SH3RF3: variants seen among roughly 807,000 people sequenced by gnomAD.
SH3RF3 encodes E3 ubiquitin-protein ligase SH3RF3.
In SH3RF3, 29 loss-of-function variants were observed where a neutral mutation model predicts 66.3. The ratio of observed to expected loss-of-function variants is 0.44; its 90% CI spans 0.33 to 0.60. The LOEUF (loss-of-function observed/expected upper bound fraction) is 0.60, where lower values mean the gene tolerates loss of function less well. Among genes scored for constraint, SH3RF3 ranks in the 20% least tolerant of loss-of-function variants. The probability of loss-of-function intolerance (pLI) is 0.04; values close to 1 mark genes in which losing one functional copy is unlikely to be tolerated. For missense variants in SH3RF3, 1,194 were observed against 1,190.9 expected (o/e 1.00, Z -0.04); for synonymous variants, 583 against 532.0 (o/e 1.10, Z -1.32).
intron 5 of SH3RF3, among the ~76,000 whole-genome samples, chr2:109,420,645 C>T (rs1289574567): frequency 2.0e-5 from 3 of 152,146 alleles, no homozygotes; most frequent in African/African-American, 7.2e-5. Context: ...TGGGGTTTCA[C>T]CGTGTTAGCC....
At chr2:109,368,117 T>G (rs13397395) in intron 2 of SH3RF3, among the ~76,000 whole-genome samples, 4,390 of 152,362 alleles carry the variant, frequency 0.029, 156 homozygotes, top group African/African-American at 0.089. Context: ...TTCCCTGATT[T>G]TTGGCCTTGG....
In SH3RF3 at chr2:109,379,631, C is replaced by T. The variant is rs183631833; in HGVS notation, c.945+7950C>T. Among the ~76,000 whole-genome samples, 56 of 152,304 alleles carry T rather than the reference C, an allele frequency of 3.7e-4. 1 individual carries two copies. The highest frequency in any genetic ancestry group is 7.8e-4 in the Admixed American group (12 of 15,304). ...GTTTCATTTTATTTTTCTTGCTTTT[C>T]GTCATCCTCTGTTTTTACAAGCTCC... On this transcript the variant is annotated intron_variant, in intron 3 of 9. Transcript: ENST00000309415.
intron 1 of SH3RF3, among the ~76,000 whole-genome samples, chr2:109,231,226 G>C (rs2105185728): frequency 6.6e-6 from 1 of 152,364 alleles, no homozygotes; most frequent in Non-Finnish European, 1.5e-5. Context: ...TCTTCATCCA[G>C]GGGCTGTTTC....
At chr2:109,317,126 C>CTCATGAAATGTTTTCATGAGATGTAAGTT (rs1681904184) in intron 1 of SH3RF3, among the ~76,000 whole-genome samples, 2 of 151,988 alleles carry the variant, frequency 1.3e-5, no homozygotes, top group South Asian at 4.2e-4. Flanking sequence ...GAGTGGGTTT[C>CTCATGAAATGTTTTCATGAGATGTAAGTT]TCATGAAATG....
At position 109,490,840 on chromosome 2, in the gene SH3RF3, C is replaced by T; in HGVS notation, c.2384C>T (p.Ala795Val). The change falls in exon 9 of 10, where the codon GCA becomes GTA. Residue 795 changes from alanine to valine, a missense_variant. By Grantham distance (64) the Ala-to-Val change is moderately conservative. Coordinates refer to ENST00000309415, the MANE Select transcript of SH3RF3 (RefSeq NM_001099289.3). Reference protein sequence around the residue: ...AMGMEPLHRKAGSLDLNFTSP... With the variant: ...AMGMEPLHRKVGSLDLNFTSP... ...GGGATGGAGCCTCTGCACAGGAAGG[C>T]AGGCTCCTTGGATCTAAACTTCACA... 1 of 1,536,742 alleles carries T rather than the reference C, an allele frequency of 6.5e-7. No individual in the cohort carries two copies. Among genetic ancestry groups the T allele is most frequent in the Non-Finnish European group, 8.7e-7 (1 of 1,146,578 alleles).
intron 5 of SH3RF3, among the ~76,000 whole-genome samples, chr2:109,420,485 T>G (rs1384950861): frequency 6.6e-6 from 1 of 152,122 alleles, no homozygotes; most frequent in Non-Finnish European, 1.5e-5. Flanking sequence ...TTGCTCTGTC[T>G]CCCAGGCTGG....
intron 5 of SH3RF3, among the ~76,000 whole-genome samples, chr2:109,431,676 A>G (rs1458889331): frequency 6.6e-6 from 1 of 152,206 alleles, no homozygotes; most frequent in East Asian, 1.9e-4. Context: ...GCTCAAGACC[A>G]GTCTGGGCAA....
intron 1 of SH3RF3, chr2:109,141,355 C>G (rs1394505151): frequency 6.6e-6 from 1 of 152,624 alleles, no homozygotes; most frequent in Non-Finnish European, 1.5e-5. Flanking sequence ...GCCTGGGTCC[C>G]TCTTCCTCCA....
chr2:109,245,316 T>C (rs568651485), intron 1 of SH3RF3, among the ~76,000 whole-genome samples: 2 of 152,080 alleles, frequency 1.3e-5, no homozygotes, highest in South Asian at 4.2e-4. Flanking sequence ...ATGCCTGTGG[T>C]CATTCCCTCT....
chr2:109,365,291 C>T (rs1352499804), intron 2 of SH3RF3, among the ~76,000 whole-genome samples: 1 of 152,192 alleles, frequency 6.6e-6, no homozygotes, highest in Non-Finnish European at 1.5e-5. Flanking sequence ...AGTGACTGGG[C>T]CCCTGCAGTT....
At chr2:109,143,376 G>A (rs1002354928) in intron 1 of SH3RF3, among the ~76,000 whole-genome samples, 2 of 152,162 alleles carry the variant, frequency 1.3e-5, no homozygotes, top group Non-Finnish European at 2.9e-5. Context: ...GCAATCTCAT[G>A]TTCATTTCAG....
intron 6 of SH3RF3, among the ~76,000 whole-genome samples, chr2:109,434,490 A>G (rs1325907002): frequency 6.6e-6 from 1 of 152,152 alleles, no homozygotes; most frequent in African/African-American, 2.4e-5. Flanking sequence ...GCAACTCCTG[A>G]CGTGTGTCAG....
intron 3 of SH3RF3, among the ~76,000 whole-genome samples, chr2:109,387,274 G>A (rs981106127): frequency 1.1e-4 from 16 of 152,182 alleles, no homozygotes; most frequent in African/African-American, 3.9e-4. Flanking sequence ...TGCCTCACCT[G>A]TGCAACCTTT....
At chr2:109,171,037 G>T (rs1444062321) in intron 1 of SH3RF3, among the ~76,000 whole-genome samples, 1 of 152,158 alleles carries the variant, frequency 6.6e-6, no homozygotes, top group African/African-American at 2.4e-5. Context: ...CTGGGGGCTG[G>T]GGGAGTCTGT....
chr2:109,375,540 G>A (rs1006308822), intron 3 of SH3RF3, among the ~76,000 whole-genome samples: 2 of 152,242 alleles, frequency 1.3e-5, no homozygotes, highest in African/African-American at 4.8e-5. Context: ...TTCCTTCTGG[G>A]TCTTTAGCCC....
At chr2:109,147,439 A>G (rs1012043734) in intron 1 of SH3RF3, among the ~76,000 whole-genome samples, 1 of 152,228 alleles carries the variant, frequency 6.6e-6, no homozygotes, top group Admixed American at 6.5e-5. Flanking sequence ...TATACTAGAG[A>G]AACATCATAT....
intron 8 of SH3RF3, among the ~76,000 whole-genome samples, chr2:109,458,027 TG>T (rs1251932772): frequency 3.9e-5 from 6 of 151,972 alleles, no homozygotes; most frequent in African/African-American, 1.5e-4. Flanking sequence ...GGTTTTATTT[TG>T]TTTTTTCAGG....
chr2:109,167,897 C>T lies in SH3RF3; in HGVS notation c.573+37784C>T, dbSNP rs1298161307. 2.6e-5 allele frequency among the ~76,000 whole-genome samples: 4 copies of T among 152,148 alleles called. No individual in the cohort carries two copies. In the East Asian group the frequency reaches 5.8e-4, roughly 22 times the overall value. On this transcript the variant is annotated intron_variant, in intron 1 of 9. Transcript: ENST00000309415. Reference sequence around the variant, plus strand: ...AGTGTCTGAATTCTCTCCACTTGACCGTAAGCTTCATCAGGTAAGGAGCTA... The same window carrying T: ...AGTGTCTGAATTCTCTCCACTTGACTGTAAGCTTCATCAGGTAAGGAGCTA...
At chr2:109,354,411 T>C (rs185903372) in intron 2 of SH3RF3, among the ~76,000 whole-genome samples, 239 of 152,360 alleles carry the variant, frequency 1.6e-3, no homozygotes, top group Non-Finnish European at 2.7e-3. Flanking sequence ...GCAGCGTTCA[T>C]GTGGCCTCCA....
Sources: gnomAD v4.1 joint callset for allele counts (sites outside exome capture counted in the v4.1 genomes callset) on GRCh38, gnomAD v4.1.1 for gene constraint, MANE v1.5 for transcripts, NCBI Gene and HGNC (gene_info 2026-07-23, HGNC 2026-07-21) for gene names.